The following ZMYM2 variants were observed in gnomAD, a reference collection of about 807,000 sequenced individuals.
ZMYM2 encodes the protein zinc finger MYM-type containing 2.
ZMYM2 carries 56 observed loss-of-function variants against 162.8 expected under a neutral mutation model. The observed-to-expected ratio is 0.34, with a 90% confidence interval of 0.28 to 0.43. The LOEUF (loss-of-function observed/expected upper bound fraction) is 0.43. Among genes scored for constraint, ZMYM2 ranks in the 20% least tolerant of loss-of-function variants. The pLI is 1.00. For missense variants in ZMYM2, 1,275 were observed against 1,621.8 expected (o/e 0.79, Z 3.67); for synonymous variants, 510 against 541.6 (o/e 0.94, Z 0.81).
At chr13:19,925,864 C>A in the ZMYM2 span, among the ~76,000 whole-genome samples, 1 of 104,410 alleles carries the variant, frequency 9.6e-6, no homozygotes, top group Non-Finnish European at 2.1e-5. Flanking sequence ...GAGCAAGACT[C>A]CATCTCAAAA....
chr13:20,061,270 T>A (rs370818780), intron 17 of ZMYM2, 46 bp downstream of exon 17: 5 of 1,583,628 alleles, frequency 3.2e-6, no homozygotes, highest in Admixed American at 1.8e-5. Context: ...TTAACATTGG[T>A]TATTTATAAG....
At chr13:19,921,429 G>A in the ZMYM2 span, among the ~76,000 whole-genome samples, 2,036 of 152,084 alleles carry the variant, frequency 0.013, 32 homozygotes, top group African/African-American at 0.045. Context: ...CGTGAACCAC[G>A]GCGCCCAAAC....
At chr13:20,062,709 G>T in intron 17 of ZMYM2, 137 bp from the exon 18 acceptor site, 1 of 815,874 alleles carries the variant, frequency 1.2e-6, no homozygotes, top group East Asian at 2.9e-5. Flanking sequence ...TATATAATAT[G>T]CCCTTTTCTT....
Position 19,970,600 on chromosome 13 carries a change from CAA to C in ZMYM2, c.-11+10595_-11+10596del, listed in dbSNP as rs11365281. On this transcript the variant is annotated intron_variant, in intron 2 of 24. Coordinates refer to ENST00000610343, the MANE Select transcript of ZMYM2 (RefSeq NM_197968.4). ...AGGGAGGAGTGAAAAAACCCCAAAC[CAA>C]AAAAAAAAAAAAAAAAAAAAGGGCA... Among the ~76,000 whole-genome samples the C allele has an allele frequency of 2.1e-3, 184 of 88,102 alleles. 2 individuals are homozygous for C. The highest frequency in any genetic ancestry group is 8.9e-3 in the Middle Eastern group (1 of 112). The allele number at this position is 88,102 out of a possible 152,430, so 57.8% of individuals were successfully genotyped here. A position where few individuals can be genotyped will look rare whatever the true frequency, so the allele number is the denominator to read the frequency against.
At chr13:19,966,925 C>G (rs1316161513) in intron 2 of ZMYM2, among the ~76,000 whole-genome samples, 1 of 152,044 alleles carries the variant, frequency 6.6e-6, no homozygotes, top group Non-Finnish European at 1.5e-5. Context: ...GTGTTAACTC[C>G]TGCCTAGGAA....
At chr13:19,931,386 A>G in the ZMYM2 span, among the ~76,000 whole-genome samples, 2 of 152,054 alleles carry the variant, frequency 1.3e-5, no homozygotes, top group Admixed American at 6.6e-5. Context: ...TCTCGCATCT[A>G]ACAACCTTGT....
At chr13:19,884,945 C>T in the ZMYM2 span, among the ~76,000 whole-genome samples, 1 of 152,062 alleles carries the variant, frequency 6.6e-6, no homozygotes, top group Non-Finnish European at 1.5e-5. Flanking sequence ...TGCTGATTGG[C>T]CCATTTTACA....
the ZMYM2 span, among the ~76,000 whole-genome samples, chr13:19,901,182 C>T: frequency 1.3e-5 from 2 of 152,142 alleles, no homozygotes; most frequent in South Asian, 2.1e-4. Flanking sequence ...CTTCAAATAC[C>T]ATTACATTGG....
intron 19 of ZMYM2, among the ~76,000 whole-genome samples, chr13:20,065,791 C>G (rs1956628735): frequency 6.6e-6 from 1 of 152,120 alleles, no homozygotes; most frequent in Non-Finnish European, 1.5e-5. Context: ...AGAACTCCAG[C>G]ATGGATACTT....
the ZMYM2 span, among the ~76,000 whole-genome samples, chr13:19,915,691 A>G: frequency 8.0e-5 from 12 of 150,252 alleles, no homozygotes; most frequent in Admixed American, 6.6e-4. Flanking sequence ...TTTAGTAGAG[A>G]CAGAGTTTTG....
At chr13:19,991,347 T>C (rs1566236362) in intron 2 of ZMYM2, among the ~76,000 whole-genome samples, 1 of 151,982 alleles carries the variant, frequency 6.6e-6, no homozygotes, top group African/African-American at 2.4e-5. Context: ...CTCGAACTCC[T>C]GGGCTCAAGC....
Position 20,050,297 on chromosome 13 carries a change from A to G in ZMYM2, c.2293-1136A>G, listed in dbSNP as rs74035481. Among the ~76,000 whole-genome samples, 972 of 152,108 alleles carry G rather than the reference A, an allele frequency of 6.4e-3. 18 individuals are homozygous for G. Among genetic ancestry groups the G allele is most frequent in the African/African-American group, 0.022 (909 of 41,556 alleles). Reference sequence around the variant, plus strand: ...GTAAGACCTGTTTGTCAACACAGTCATTTGTTAACATTCCTGACCAGGAAT... The same window carrying G: ...GTAAGACCTGTTTGTCAACACAGTCGTTTGTTAACATTCCTGACCAGGAAT... On this transcript the variant is annotated intron_variant, in intron 12 of 24. Coordinates refer to ENST00000610343, the MANE Select transcript of ZMYM2 (RefSeq NM_197968.4).
the ZMYM2 span, among the ~76,000 whole-genome samples, chr13:19,927,656 T>C: frequency 6.6e-6 from 1 of 152,206 alleles, no homozygotes; most frequent in African/African-American, 2.4e-5. Context: ...TTCTCAAGTT[T>C]GTATTAGGAA....
the ZMYM2 span, among the ~76,000 whole-genome samples, chr13:19,881,236 AATTT>A: frequency 6.6e-6 from 1 of 152,112 alleles, no homozygotes; most frequent in East Asian, 1.9e-4. Context: ...GGAAAACGAT[AATTT>A]ATTTGTATCT....
At chr13:19,988,251 A>G (rs1949335943) in intron 2 of ZMYM2, among the ~76,000 whole-genome samples, 1 of 152,240 alleles carries the variant, frequency 6.6e-6, no homozygotes, top group African/African-American at 2.4e-5. Context: ...GTTGAGTGGT[A>G]GAACAGTGCT....
At position 20,088,403 on chromosome 13, in the gene ZMYM2, A is replaced by G. The variant is rs1272203082; in HGVS notation, c.*2389A>G. The G allele has an allele frequency of 9.9e-6, 2 of 201,336 alleles. No homozygotes were observed. Among genetic ancestry groups the G allele is most frequent in the Non-Finnish European group, 2.0e-5 (2 of 97,722 alleles). The allele number at this position is 201,336 out of a possible 1,614,324, so 12.5% of individuals were successfully genotyped here. ...TCTGATTATAGATAGCATCCTGTAA[A>G]TATAACTTTATTGTCTTGAAATGTT... On this transcript the variant is annotated 3_prime_UTR_variant, in exon 25 of 25. Coordinates refer to ENST00000610343, the MANE Select transcript of ZMYM2 (RefSeq NM_197968.4).
At chr13:19,977,195 T>C (rs1398992114) in intron 2 of ZMYM2, among the ~76,000 whole-genome samples, 1 of 149,852 alleles carries the variant, frequency 6.7e-6, no homozygotes, top group Non-Finnish European at 1.5e-5. Context: ...TTTTTCTTTT[T>C]CTTTAAATTG....
the ZMYM2 span, among the ~76,000 whole-genome samples, chr13:19,929,596 A>G: frequency 1.3e-5 from 2 of 152,098 alleles, no homozygotes; most frequent in Non-Finnish European, 2.9e-5. Context: ...GTCTTGAGCC[A>G]TTCTAGGATT....
chr13:19,947,015 A>G, the ZMYM2 span, among the ~76,000 whole-genome samples: 1 of 151,334 alleles, frequency 6.6e-6, no homozygotes, highest in Non-Finnish European at 1.5e-5. Context: ...TTTGTTATCA[A>G]TTTTTTATTT....
Sources: gnomAD v4.1 joint callset for allele counts (sites outside exome capture counted in the v4.1 genomes callset) on GRCh38, gnomAD v4.1.1 for gene constraint, MANE v1.5 for transcripts, NCBI Gene and HGNC (gene_info 2026-07-23, HGNC 2026-07-21) for gene names.